Variants in CCDC13 observed in about 807,000 individuals in gnomAD.
CCDC13 encodes the protein coiled-coil domain containing 13.
CCDC13 carries 70 observed loss-of-function variants against 87.3 expected under a neutral mutation model. That is an observed-to-expected ratio of 0.80 (90% CI 0.66 to 0.98). The LOEUF (loss-of-function observed/expected upper bound fraction) is 0.98. CCDC13 is among the 50% of genes least tolerant of loss of function. The pLI, the probability that CCDC13 is intolerant of heterozygous loss-of-function variation, is 0.00. For synonymous variants in CCDC13, 317 were observed against 360.3 expected, an observed-to-expected ratio of 0.88 and a Z score of 1.36; for missense variants, 842 against 892.0, an observed-to-expected ratio of 0.94 and a Z score of 0.71.
At chr3:42,713,381 G>C in intron 13 of CCDC13, 65 bp from the exon 14 acceptor site, 1 of 1,557,440 alleles carries the variant, frequency 6.4e-7, no homozygotes, top group South Asian at 1.2e-5. Flanking sequence ...TACCCCACTT[G>C]CTCAGGCCCT....
At position 42,758,062 on chromosome 3, in the gene CCDC13, TACACACACACACAC is replaced by T. The variant is rs3076826; in HGVS notation, c.221+49_221+62del. 54 of 997,732 alleles carry T rather than the reference TACACACACACACAC, an allele frequency of 5.4e-5. No homozygotes were observed. In the South Asian group the frequency reaches 6.0e-4, roughly 11 times the overall value. 61.8% of individuals were successfully genotyped at this position (997,732 alleles called of 1,614,324 possible). A position where few individuals can be genotyped will look rare whatever the true frequency, so the allele number is the denominator to read the frequency against. On this transcript the variant is annotated intron_variant, in intron 2 of 15. Transcript: ENST00000310232. ...ACAAGTTTTGCTATAGCTCCGGTGG[TACACACACACACAC>T]ACACACACACACACACACACCCCTG...
At chr3:42,743,132 C>A (rs946906827) in intron 7 of CCDC13, 75 bp from the exon 8 acceptor site, 3 of 1,544,700 alleles carry the variant, frequency 1.9e-6, no homozygotes, top group African/African-American at 2.7e-5. Context: ...TGATAGGAGA[C>A]CCCACAGACT....
At chr3:42,742,132 C>T (rs1322227451) in intron 8 of CCDC13, among the ~76,000 whole-genome samples, 1 of 152,332 alleles carries the variant, frequency 6.6e-6, no homozygotes, top group South Asian at 2.1e-4. Context: ...TCCCCTCAAA[C>T]CTTGGGGCAG....
At chr3:42,723,346 C>T (rs11718476) in intron 13 of CCDC13, among the ~76,000 whole-genome samples, 75,824 of 151,908 alleles carry the variant, frequency 0.5, 19,226 homozygotes, top group African/African-American at 0.6. Context: ...ACTCAGAGAG[C>T]CTCCTGTTTG....
intron 5 of CCDC13, among the ~76,000 whole-genome samples, chr3:42,747,833 T>C (rs1465957922): frequency 2.0e-5 from 3 of 152,218 alleles, no homozygotes; most frequent in African/African-American, 7.2e-5. Flanking sequence ...GGAAACCACG[T>C]TATTCCCCGA....
intron 1 of CCDC13, among the ~76,000 whole-genome samples, chr3:42,770,099 G>C (rs1404065292): frequency 6.6e-6 from 1 of 152,248 alleles, no homozygotes. Flanking sequence ...CCTGGTGCAG[G>C]ATCCACTGGG....
At chr3:42,754,164 CAAG>C (rs1400687751) in intron 3 of CCDC13, among the ~76,000 whole-genome samples, 1 of 152,260 alleles carries the variant, frequency 6.6e-6, no homozygotes, top group African/African-American at 2.4e-5. Context: ...TGCCTCAGAA[CAAG>C]AAGAAGGGTG....
intron 3 of CCDC13, among the ~76,000 whole-genome samples, chr3:42,755,097 G>T (rs963584825): frequency 1.3e-5 from 2 of 152,162 alleles, no homozygotes; most frequent in African/African-American, 4.8e-5. Context: ...AAAGGGACCT[G>T]AATGGTGGTA....
intron 1 of CCDC13, among the ~76,000 whole-genome samples, chr3:42,769,710 G>C (rs1199200453): frequency 6.6e-6 from 1 of 152,258 alleles, no homozygotes; most frequent in African/African-American, 2.4e-5. Flanking sequence ...GGCAGGTGTG[G>C]AGTGAGAGGT....
chr3:42,714,181 T>C (rs1698378531), intron 13 of CCDC13: 1 of 152,236 alleles, frequency 6.6e-6, no homozygotes, highest in Non-Finnish European at 1.5e-5. Flanking sequence ...GACGGAGATA[T>C]TTCTCTGCTT....
At chr3:42,730,370 G>T in intron 13 of CCDC13, 97 bp downstream of exon 13, 1 of 1,515,048 alleles carries the variant, frequency 6.6e-7, no homozygotes, top group Non-Finnish European at 9.0e-7. Flanking sequence ...TGGGAGCCGA[G>T]CTCTCAGGTG....
At chr3:42,722,760 C>T (rs1164747571) in intron 13 of CCDC13, among the ~76,000 whole-genome samples, 2 of 151,716 alleles carry the variant, frequency 1.3e-5, no homozygotes, top group African/African-American at 4.8e-5. Context: ...GACTGCTGTG[C>T]CTGTGGAGTA....
intron 1 of CCDC13, among the ~76,000 whole-genome samples, chr3:42,771,362 C>G (rs1360373066): frequency 6.6e-6 from 1 of 151,914 alleles, no homozygotes; most frequent in Non-Finnish European, 1.5e-5. Context: ...ACAGTAAAGC[C>G]TAGGGGGTTT....
At chr3:42,731,615 T>A (rs1217246882) in intron 12 of CCDC13, among the ~76,000 whole-genome samples, 1 of 152,122 alleles carries the variant, frequency 6.6e-6, no homozygotes, top group South Asian at 2.1e-4. Context: ...GCACTGCAGT[T>A]TGGAAAGCCC....
chr3:42,731,608 C>G (rs60049195), intron 12 of CCDC13, among the ~76,000 whole-genome samples: 41,063 of 151,958 alleles, frequency 0.27, 5,591 homozygotes, highest in East Asian at 0.34. Flanking sequence ...TGTGTGTGCA[C>G]TGCAGTTTGG....
chr3:42,739,682 G>A lies in CCDC13; in HGVS notation c.1116C>T (p.Thr372=), dbSNP rs776797567. 28 of 1,614,028 alleles carry A rather than the reference G, an allele frequency of 1.7e-5. No individual in the cohort carries two copies. In the East Asian group the frequency reaches 5.8e-4, roughly 33 times the overall value. ...CATCATGCCGGCCCTTCTCCACCAG[G>A]GTTCCCATCTGACTCTTGAGGGTCT... is the stretch of plus-strand genomic sequence containing the variant. ...EMKTLKSQMG[T]LVEKGRHDDE... is the part of the protein sequence containing the mutation. The change falls in exon 9 of 16, where the codon ACC becomes ACT. Residue 372 remains threonine, a synonymous_variant. Transcript: ENST00000310232.
intron 12 of CCDC13, among the ~76,000 whole-genome samples, chr3:42,731,180 C>A (rs1269377220): frequency 6.6e-6 from 1 of 151,768 alleles, no homozygotes. Context: ...CCAGAGCCCA[C>A]ATGTGAGTTC....
chr3:42,715,367 G>A (rs904253212), intron 13 of CCDC13, among the ~76,000 whole-genome samples: 4 of 151,886 alleles, frequency 2.6e-5, no homozygotes, highest in Admixed American at 1.3e-4. Flanking sequence ...CCTGTGCTTT[G>A]GGAGGCATAG....
At chr3:42,743,664 T>A (rs1699305128) in intron 7 of CCDC13, among the ~76,000 whole-genome samples, 1 of 145,502 alleles carries the variant, frequency 6.9e-6, no homozygotes, top group African/African-American at 2.6e-5. Flanking sequence ...TATAAATATA[T>A]ATATATATAA....
Sources: gnomAD v4.1 joint callset for allele counts (sites outside exome capture counted in the v4.1 genomes callset) on GRCh38, gnomAD v4.1.1 for gene constraint, MANE v1.5 for transcripts, NCBI Gene and HGNC (gene_info 2026-07-23, HGNC 2026-07-21) for gene names.